The following GAREM1 variants were observed in gnomAD, a reference collection of about 807,000 sequenced individuals.
GAREM1 encodes GRB2 associated regulator of MAPK1 subtype 1, also known as GRB2-associated and regulator of MAPK protein 1.
In GAREM1, 26 loss-of-function variants were observed where a neutral mutation model predicts 71.3. The ratio of observed to expected loss-of-function variants is 0.36; its 90% CI spans 0.27 to 0.51. The LOEUF is 0.51. Ranked by LOEUF, GAREM1 falls within the 20% of genes least tolerant of loss-of-function variation. GAREM1 has a pLI of 0.95. For missense variants in GAREM1, 1,026 were observed against 1,103.1 expected, an observed-to-expected ratio of 0.93 and a Z score of 0.99; for synonymous variants, 440 against 433.2, an observed-to-expected ratio of 1.02 and a Z score of -0.20.
rs764614565 is a variant in GAREM1 at position 32,287,787 on chromosome 18, G to C, written c.810C>G (p.Arg270=). The C allele has an allele frequency of 6.2e-7, 1 of 1,613,806 alleles. No homozygotes were observed. Among genetic ancestry groups the C allele is most frequent in the Admixed American group, 1.7e-5 (1 of 59,986 alleles). The change falls in exon 4 of 6, where the codon CGC becomes CGG. Residue 270 remains arginine, a synonymous_variant. Transcript: ENST00000269209. This position sits in a 1 kb window ranked among gnomAD's most constrained non-coding sequence, Gnocchi z 5.9. ...TGGTCTGGATGTTCACAAACTTATA[G>C]CGGTGCCCCTCACGGATGAAGTGGA... ...YDLHFIREGH[R]YKFVNIQTKT...
intron 2 of GAREM1, among the ~76,000 whole-genome samples, chr18:32,345,705 G>T (rs755728270): frequency 6.6e-6 from 1 of 152,130 alleles, no homozygotes. Flanking sequence ...GATTCACATC[G>T]CTAAGCTGAT....
At chr18:32,386,328 A>G (rs1283656232) in intron 2 of GAREM1, among the ~76,000 whole-genome samples, 1 of 152,210 alleles carries the variant, frequency 6.6e-6, no homozygotes, top group African/African-American at 2.4e-5. Context: ...ATTTTGCCCA[A>G]GAGACAAACA....
chr18:32,270,629 T>TGGC (rs2041446815), intron 4 of GAREM1, among the ~76,000 whole-genome samples: 2 of 152,356 alleles, frequency 1.3e-5, no homozygotes, highest in South Asian at 4.1e-4. Context: ...TGGCAAATGC[T>TGGC]GGCTGCTGCT....
At chr18:32,302,100 C>T (rs1394935635) in intron 3 of GAREM1, among the ~76,000 whole-genome samples, 1 of 152,180 alleles carries the variant, frequency 6.6e-6, no homozygotes, top group Non-Finnish European at 1.5e-5. Flanking sequence ...ATTCTGATCA[C>T]AATCTTGGGC....
At chr18:32,437,581 C>A (rs1468104226) in intron 1 of GAREM1, among the ~76,000 whole-genome samples, 1 of 152,076 alleles carries the variant, frequency 6.6e-6, no homozygotes, top group Non-Finnish European at 1.5e-5. Flanking sequence ...GCAGCAGGGA[C>A]AATGAACAGC....
At chr18:32,370,473 C>T (rs1263491541) in intron 2 of GAREM1, among the ~76,000 whole-genome samples, 2 of 150,926 alleles carry the variant, frequency 1.3e-5, no homozygotes, top group Non-Finnish European at 2.9e-5. Context: ...GCATAACACA[C>T]AATATTTACA....
intron 1 of GAREM1, among the ~76,000 whole-genome samples, chr18:32,458,749 G>A (rs763076353): frequency 1.3e-5 from 2 of 151,614 alleles, no homozygotes; most frequent in African/African-American, 2.4e-5. Context: ...GAAATACAAC[G>A]TTTTCATTAT....
chr18:32,431,411 C>T (rs1228135116), intron 1 of GAREM1, among the ~76,000 whole-genome samples: 3 of 152,102 alleles, frequency 2.0e-5, no homozygotes, highest in African/African-American at 4.8e-5. Flanking sequence ...AGGCGGATCA[C>T]GAGGCCTGGA....
chr18:32,457,744 A>G (rs762981446), intron 1 of GAREM1, among the ~76,000 whole-genome samples: 13 of 152,074 alleles, frequency 8.5e-5, no homozygotes, highest in Non-Finnish European at 1.5e-4. Context: ...GCAGAGTGAT[A>G]TGTACTTTTT....
rs117805425 is a variant in GAREM1 at position 32,269,156 on chromosome 18, T to A, written c.1734-388A>T. 3.9e-4 allele frequency among the ~76,000 whole-genome samples: 59 copies of A among 152,212 alleles called. No homozygotes were observed. In the East Asian group the frequency reaches 0.011, roughly 29 times the overall value. ...GTAGAAGGAGAGAATAGTAAATGAG[T>A]GGCGCATGCTTGCCATGCTTGTGCT... On this transcript the variant is annotated intron_variant, in intron 5 of 5. Coordinates refer to ENST00000269209, the MANE Select transcript of GAREM1 (RefSeq NM_001242409.2).
intron 2 of GAREM1, among the ~76,000 whole-genome samples, chr18:32,375,850 G>C (rs1012967311): frequency 2.0e-5 from 3 of 152,096 alleles, no homozygotes; most frequent in Non-Finnish European, 4.4e-5. Flanking sequence ...AACTTGATTG[G>C]GGCAGCGGTC....
intron 2 of GAREM1, among the ~76,000 whole-genome samples, chr18:32,318,506 T>G (rs1292643662): frequency 2.0e-5 from 3 of 152,178 alleles, no homozygotes; most frequent in Non-Finnish European, 4.4e-5. Flanking sequence ...ACAGCAACAA[T>G]GCCGAGATAT....
chr18:32,290,704 T>C (rs1296098317), intron 3 of GAREM1, among the ~76,000 whole-genome samples: 2 of 148,952 alleles, frequency 1.3e-5, no homozygotes, highest in Non-Finnish European at 3.0e-5. Flanking sequence ...ACTAACAAGA[T>C]GTACAATGGC....
At chr18:32,457,226 A>AGGGTGTGTGTGT (rs1555648709) in intron 1 of GAREM1, among the ~76,000 whole-genome samples, 1 of 81,926 alleles carries the variant, frequency 1.2e-5, no homozygotes, top group Non-Finnish European at 2.4e-5. Flanking sequence ...AGAGAGAGAG[A>AGGGTGTGTGTGT]GTGTGTGTGT....
intron 4 of GAREM1, among the ~76,000 whole-genome samples, chr18:32,275,412 C>T (rs1029546290): frequency 6.6e-6 from 1 of 152,168 alleles, no homozygotes; most frequent in Non-Finnish European, 1.5e-5. Context: ...GAAGAGCTGG[C>T]GTTCTGTTTT....
intron 2 of GAREM1, among the ~76,000 whole-genome samples, chr18:32,325,463 G>T (rs1674525): frequency 0.089 from 13,571 of 152,134 alleles, 661 homozygotes; most frequent in South Asian, 0.12. Context: ...TCTGCGTGTG[G>T]TGGGGAAAGG....
At chr18:32,289,991 T>G (rs113508880) in intron 3 of GAREM1, among the ~76,000 whole-genome samples, 2,426 of 151,772 alleles carry the variant, frequency 0.016, 52 homozygotes, top group African/African-American at 0.049. Context: ...AGGTTTTTTT[T>G]TGTGTGTGTG....
chr18:32,345,494 C>A (rs2047686895), intron 2 of GAREM1, among the ~76,000 whole-genome samples: 1 of 152,046 alleles, frequency 6.6e-6, no homozygotes, highest in Non-Finnish European at 1.5e-5. Context: ...TCCATTTGAA[C>A]CTGCACCAAG....
At chr18:32,388,885 GTAGAT>G (rs1280664859) in intron 2 of GAREM1, among the ~76,000 whole-genome samples, 3 of 152,132 alleles carry the variant, frequency 2.0e-5, no homozygotes, top group Non-Finnish European at 2.9e-5. Context: ...AACATGGACA[GTAGAT>G]TAAAGTATTA....
Sources: allele counts gnomAD v4.1 joint callset (sites outside exome capture counted in the v4.1 genomes callset), GRCh38; gene constraint gnomAD v4.1.1; non-coding constraint Gnocchi (gnomAD v3.1); transcripts MANE v1.5; gene names NCBI Gene and HGNC (gene_info 2026-07-23, HGNC 2026-07-21).